The following THADA variants were observed in gnomAD, a reference collection of about 807,000 sequenced individuals.
THADA encodes the protein THADA armadillo repeat containing.
THADA carries 213 observed loss-of-function variants against 219.8 expected under a neutral mutation model. That is an observed-to-expected ratio of 0.97 (90% CI 0.87 to 1.09). The LOEUF is 1.09. THADA is among the 50% of genes least tolerant of loss of function. The probability of loss-of-function intolerance (pLI) is 0.00; values close to 1 mark genes in which losing one functional copy is unlikely to be tolerated. For missense variants in THADA, 2,956 were observed against 2,311.3 expected, an observed-to-expected ratio of 1.28 and a Z score of -5.72; for synonymous variants, 1,018 against 828.9, an observed-to-expected ratio of 1.23 and a Z score of -3.92.
chr2:43,354,816 G>T (rs985347583), intron 29 of THADA, among the ~76,000 whole-genome samples: 3 of 152,160 alleles, frequency 2.0e-5, no homozygotes, highest in Non-Finnish European at 4.4e-5. Context: ...CATGTATTGA[G>T]GGAGGGACCC....
rs187030515 is a variant in THADA at position 43,594,436 on chromosome 2, T to C, written c.-25+1495A>G. Among the ~76,000 whole-genome samples the C allele has an allele frequency of 2.8e-3, 419 of 151,938 alleles. 2 individuals carry two copies. Among genetic ancestry groups the C allele is most frequent in the Middle Eastern group, 0.01 (3 of 294 alleles). On this transcript the variant is annotated intron_variant, in intron 1 of 37. Coordinates refer to ENST00000405975, the MANE Select transcript of THADA (RefSeq NM_022065.5). ...CTGCACTAACTAAAAATACAAAAAT[T>C]AGCCGGGTGTGGTGGCAGGCGCCTA...
At chr2:43,397,939 T>C (rs7605661) in intron 29 of THADA, 32 bp downstream of exon 29, 579,020 of 1,608,186 alleles carry the variant, frequency 0.36, 109,216 homozygotes, top group African/African-American at 0.49. Flanking sequence ...TTATGGTGTT[T>C]GACAGAAGTC....
chr2:43,398,180 T>G, intron 28 of THADA, 41 bp from the exon 29 acceptor site: 1 of 1,591,776 alleles, frequency 6.3e-7, no homozygotes, highest in Non-Finnish European at 8.6e-7. Flanking sequence ...AATAGTCATC[T>G]CCACATCTGT....
At chr2:43,329,455 G>A (rs907370468) in intron 30 of THADA, among the ~76,000 whole-genome samples, 8 of 152,150 alleles carry the variant, frequency 5.3e-5, no homozygotes, top group Non-Finnish European at 1.0e-4. Context: ...TGTGAATTTG[G>A]CAAGGCACAC....
chr2:43,269,886 G>C (rs1224453745), intron 36 of THADA, among the ~76,000 whole-genome samples: 1 of 152,144 alleles, frequency 6.6e-6, no homozygotes, highest in African/African-American at 2.4e-5. Context: ...TGGAATCCCG[G>C]GCTGACTCAG....
intron 31 of THADA, among the ~76,000 whole-genome samples, chr2:43,312,502 C>T (rs988132339): frequency 2.0e-5 from 3 of 152,040 alleles, no homozygotes; most frequent in Admixed American, 6.6e-5. Flanking sequence ...CTGTACTCAG[C>T]GCAAGGTTTG....
chr2:43,521,550 C>A (rs919988200), intron 22 of THADA, among the ~76,000 whole-genome samples: 1 of 151,936 alleles, frequency 6.6e-6, no homozygotes, highest in Non-Finnish European at 1.5e-5. Context: ...AGCAAGACTC[C>A]AGCTCAAAAA....
At chr2:43,329,697 A>G (rs558627591) in intron 30 of THADA, among the ~76,000 whole-genome samples, 74 of 152,322 alleles carry the variant, frequency 4.9e-4, no homozygotes, top group Middle Eastern at 3.4e-3. Flanking sequence ...TTTTCTAGAA[A>G]ACAAATTGTA....
In THADA at chr2:43,430,237, T is replaced by C; in HGVS notation, c.3902A>G (p.Glu1301Gly). Residue 1301 changes from glutamate to glycine, a missense_variant, in exon 27 of 38, where the codon GAA becomes GGA. Transcript: ENST00000405975. ...CCTGTCTACTGTATTGGCTACAGTT[T>C]CCAACTGTTTGAGAAGAAAAGGATA... ...ELYPFLLKQL[E>G]TVANTVDSDM... is the part of the protein sequence containing the mutation. 1 of 1,549,406 alleles carries C rather than the reference T, an allele frequency of 6.5e-7. No homozygotes were observed.
At chr2:43,578,718 C>T (rs1700111627) in intron 8 of THADA, 111 bp from the exon 9 acceptor site, 3 of 600,898 alleles carry the variant, frequency 5.0e-6, no homozygotes, top group South Asian at 2.7e-5. Context: ...TCTAGTCTGA[C>T]CACTTCCTGG....
At chr2:43,385,554 C>T (rs1038924574) in intron 29 of THADA, among the ~76,000 whole-genome samples, 34 of 134,244 alleles carry the variant, frequency 2.5e-4, no homozygotes, top group African/African-American at 9.3e-4. Context: ...TTGCCGTGAG[C>T]GGAGATCAAG....
At chr2:43,353,333 A>G (rs2104565502) in intron 29 of THADA, among the ~76,000 whole-genome samples, 1 of 146,680 alleles carries the variant, frequency 6.8e-6, no homozygotes, top group East Asian at 2.0e-4. Context: ...CACCCTCACC[A>G]ACGCTTATCT....
At chr2:43,562,450 T>C (rs1351457061) in intron 15 of THADA, 2 of 152,192 alleles carry the variant, frequency 1.3e-5, no homozygotes, top group Non-Finnish European at 2.9e-5. Flanking sequence ...TTCACCATGT[T>C]GGCCAGTCTG....
chr2:43,420,434 A>G (rs1012105897), intron 28 of THADA, among the ~76,000 whole-genome samples: 5 of 152,234 alleles, frequency 3.3e-5, no homozygotes, highest in African/African-American at 1.2e-4. Flanking sequence ...CAATTAACTG[A>G]TTAGATTCTA....
intron 26 of THADA, among the ~76,000 whole-genome samples, chr2:43,458,570 C>T (rs1683281188): frequency 6.6e-6 from 1 of 152,152 alleles, no homozygotes; most frequent in Non-Finnish European, 1.5e-5. Flanking sequence ...CCGCCTATCT[C>T]TCAATTCTAT....
chr2:43,499,099 A>C (rs549640288), intron 24 of THADA, 144 bp from the exon 25 acceptor site: 2 of 891,540 alleles, frequency 2.2e-6, no homozygotes, highest in South Asian at 4.2e-5. Context: ...AGCAGATTTA[A>C]TAAAACACAT....
intron 27 of THADA, among the ~76,000 whole-genome samples, chr2:43,428,824 G>A (rs1243675335): frequency 6.6e-6 from 1 of 152,128 alleles, no homozygotes; most frequent in African/African-American, 2.4e-5. Flanking sequence ...TGTTCCTACA[G>A]TAGAGACGTG....
At chr2:43,257,623 C>A (rs1204044875) in intron 36 of THADA, among the ~76,000 whole-genome samples, 1 of 152,210 alleles carries the variant, frequency 6.6e-6, no homozygotes, top group Non-Finnish European at 1.5e-5. Context: ...ATATGGAAGG[C>A]CTTTCTCTCA....
chr2:43,238,312 C>A (rs746470201), intron 36 of THADA, among the ~76,000 whole-genome samples: 1 of 151,900 alleles, frequency 6.6e-6, no homozygotes, highest in African/African-American at 2.4e-5. Flanking sequence ...CTGTCTCTGA[C>A]AAGGGACTGT....
Sources: gnomAD v4.1 joint callset for allele counts (sites outside exome capture counted in the v4.1 genomes callset) on GRCh38, gnomAD v4.1.1 for gene constraint, MANE v1.5 for transcripts, NCBI Gene and HGNC (gene_info 2026-07-23, HGNC 2026-07-21) for gene names.